IBTK: variants seen among roughly 807,000 people sequenced by gnomAD.
The protein encoded by IBTK is inhibitor of Bruton tyrosine kinase, also known as BTK-binding protein.
In IBTK, 83 loss-of-function variants were observed where a neutral mutation model predicts 154.9. The ratio of observed to expected loss-of-function variants is 0.54; its 90% CI spans 0.45 to 0.64. The LOEUF (loss-of-function observed/expected upper bound fraction) is 0.64. Ranked by LOEUF, IBTK falls within the 30% of genes least tolerant of loss-of-function variation. The probability of loss-of-function intolerance (pLI) is 0.00; values close to 1 mark genes in which losing one functional copy is unlikely to be tolerated. For synonymous variants in IBTK, 515 were observed against 536.1 expected (o/e 0.96, Z 0.54); for missense variants, 1,332 against 1,584.6 (o/e 0.84, Z 2.71).
chr6:82,201,362 T>C, intron 19 of IBTK, 60 bp downstream of exon 19: 1 of 1,201,176 alleles, frequency 8.3e-7, no homozygotes, highest in Non-Finnish European at 1.2e-6. Flanking sequence ...AAGTCTGATC[T>C]AATATACTGC....
chr6:82,244,052 T>C (rs1217231293), intron 1 of IBTK, among the ~76,000 whole-genome samples: 1 of 152,200 alleles, frequency 6.6e-6, no homozygotes, highest in Non-Finnish European at 1.5e-5. Context: ...TCAGCTGTTA[T>C]CAGTTATATA....
In IBTK at chr6:82,197,373, A is replaced by ATTTTTTTTTT. The variant is rs11422131; in HGVS notation, c.3026-937_3026-928dup. 9.8e-3 allele frequency among the ~76,000 whole-genome samples: 1,357 copies of ATTTTTTTTTT among 138,162 alleles called. 31 individuals carry two copies. The highest frequency in any genetic ancestry group is 0.021 in the African/African-American group (782 of 36,728). The allele number at this position is 138,162 out of a possible 152,430, so 90.6% of individuals were successfully genotyped here. A position where few individuals can be genotyped will look rare whatever the true frequency, so the allele number is the denominator to read the frequency against. ...TTTTTTTGCCACACAATCTTTTTGA[A>ATTTTTTTTTT]TTTTTTTTTTTTTTTGAGACAGAGT... On this transcript the variant is annotated intron_variant, in intron 21 of 28. Coordinates refer to ENST00000306270, the MANE Select transcript of IBTK (RefSeq NM_015525.4).
chr6:82,197,349 T>C (rs913353630), intron 21 of IBTK, among the ~76,000 whole-genome samples: 3 of 150,592 alleles, frequency 2.0e-5, no homozygotes, highest in Admixed American at 6.7e-5. Flanking sequence ...TTTAAACATT[T>C]TTTTTGCCAC....
intron 21 of IBTK, among the ~76,000 whole-genome samples, chr6:82,197,190 T>TACCA (rs1769022551): frequency 6.6e-6 from 1 of 152,152 alleles, no homozygotes; most frequent in African/African-American, 2.4e-5. Context: ...AGCTATAAAA[T>TACCA]AAAGATGTTA....
chr6:82,246,054 G>A (rs1293576000), intron 1 of IBTK, among the ~76,000 whole-genome samples: 1 of 152,076 alleles, frequency 6.6e-6, no homozygotes, highest in Non-Finnish European at 1.5e-5. Context: ...TTTCTGATGA[G>A]GAGATTCATG....
intron 4 of IBTK, among the ~76,000 whole-genome samples, chr6:82,229,586 T>C (rs926417649): frequency 1.4e-4 from 21 of 151,776 alleles, no homozygotes; most frequent in Non-Finnish European, 7.4e-5. Context: ...AAGCTCAGCA[T>C]GAGAAAAAAA....
At chr6:82,189,103 A>C in intron 25 of IBTK, 2 of 403,502 alleles carry the variant, frequency 5.0e-6, no homozygotes, top group Non-Finnish European at 9.6e-6. Flanking sequence ...TGATTTGTAG[A>C]GAAAACAGTG....
At chr6:82,174,663 T>C (rs1402203736) in intron 26 of IBTK, among the ~76,000 whole-genome samples, 3 of 152,258 alleles carry the variant, frequency 2.0e-5, no homozygotes, top group South Asian at 2.1e-4. Flanking sequence ...TTAGCCCTAA[T>C]GTGTGGGCAA....
chr6:82,171,397 G>A lies in IBTK; in HGVS notation c.*28C>T, dbSNP rs1207957882. On this transcript the variant is annotated 3_prime_UTR_variant, in exon 29 of 29. Transcript: ENST00000306270. The stretch of plus-strand genomic sequence containing the variant: ...TTTATATGAACAAACTCATAATTAT[G>A]TAAAATGCATCTCAACTCCACAGTG... The A allele has an allele frequency of 6.3e-7, 1 of 1,588,360 alleles. No individual in the cohort carries two copies. Among genetic ancestry groups the A allele is most frequent in the Non-Finnish European group, 8.6e-7 (1 of 1,167,200 alleles).
At chr6:82,188,705 C>A (rs1344419589) in intron 25 of IBTK, among the ~76,000 whole-genome samples, 1 of 151,952 alleles carries the variant, frequency 6.6e-6, no homozygotes, top group Admixed American at 6.6e-5. Flanking sequence ...GGCAAATGTT[C>A]CAGAAAGTAG....
chr6:82,173,275 T>A (rs750541099), intron 27 of IBTK, 92 bp downstream of exon 27: 22 of 862,864 alleles, frequency 2.5e-5, no homozygotes, highest in Non-Finnish European at 3.6e-5. Flanking sequence ...GTGCTGGGAT[T>A]ATAGGCATGA....
intron 1 of IBTK, among the ~76,000 whole-genome samples, chr6:82,245,802 C>T (rs540724841): frequency 1.1e-4 from 16 of 151,950 alleles, no homozygotes; most frequent in African/African-American, 3.9e-4. Flanking sequence ...CAAAGACATA[C>T]TTAGGATCTT....
chr6:82,212,647 T>C, intron 13 of IBTK, 60 bp downstream of exon 13: 6 of 1,043,542 alleles, frequency 5.7e-6, no homozygotes, highest in Non-Finnish European at 9.1e-6. Context: ...CAGAGATCTA[T>C]TTCCACACTT....
chr6:82,171,583 C>T, intron 28 of IBTK, 27 bp from the exon 29 acceptor site: 3 of 1,551,954 alleles, frequency 1.9e-6, no homozygotes, highest in African/African-American at 2.7e-5. Flanking sequence ...AAAGAAGACT[C>T]TTTACTCTTT....
intron 16 of IBTK, among the ~76,000 whole-genome samples, chr6:82,208,419 T>C (rs951795386): frequency 3.9e-5 from 6 of 152,056 alleles, no homozygotes; most frequent in Admixed American, 2.6e-4. Context: ...AACGAATTCC[T>C]AGATATGACA....
rs904022224 is a variant in IBTK, at chr6:82,170,678, T to C, written c.*747A>G. Reference sequence around the variant, plus strand: ...TTTCAGCAATTGATTCTCTCACAATTAGGCATTTTTAAGATCCTCCATCCC... The same window carrying C: ...TTTCAGCAATTGATTCTCTCACAATCAGGCATTTTTAAGATCCTCCATCCC... On this transcript the variant is annotated 3_prime_UTR_variant, in exon 29 of 29. Transcript: ENST00000306270. 6.6e-6 allele frequency: 1 copy of C among 152,180 alleles called. No individual in the cohort carries two copies. The highest frequency in any genetic ancestry group is 2.4e-5 in the African/African-American group (1 of 41,466). 9.4% of individuals were successfully genotyped at this position (152,180 alleles called of 1,614,324 possible). A position where few individuals can be genotyped will look rare whatever the true frequency, so the allele number is the denominator to read the frequency against.
At chr6:82,179,234 C>T (rs1768225490) in intron 26 of IBTK, among the ~76,000 whole-genome samples, 1 of 152,082 alleles carries the variant, frequency 6.6e-6, no homozygotes. Flanking sequence ...AATGGAAGTG[C>T]CAAAGACACA....
chr6:82,211,498 G>A lies in IBTK; in HGVS notation c.2366C>T (p.Ala789Val), dbSNP rs1769639624. Residue 789 changes from alanine to valine, a missense_variant, in exon 14 of 29, where the codon GCT (alanine) becomes GTT (valine). Ala to Val is a moderately conservative substitution (Grantham distance 64). This residue lies in a region of IBTK where 1,134 missense variants were observed against 1,274.7 expected (regional missense o/e 0.89). Transcript: ENST00000306270. ...EFPCHKCVLC[A>V]RLEYFHSMLS... ...TTAAAAAGTGCACCTACCAAGTCTA[G>A]CACAAAGAACACATTTATGACAAGG... The A allele has an allele frequency of 6.2e-7, 1 of 1,612,906 alleles. No homozygotes were observed. Among genetic ancestry groups the A allele is most frequent in the East Asian group, 2.2e-5 (1 of 44,798 alleles).
intron 2 of IBTK, among the ~76,000 whole-genome samples, chr6:82,237,372 G>A (rs1481391572): frequency 1.3e-5 from 2 of 151,774 alleles, no homozygotes; most frequent in African/African-American, 2.4e-5. Context: ...GATACCCCAA[G>A]GTTTCAGATA....
Sources: allele counts gnomAD v4.1 joint callset (sites outside exome capture counted in the v4.1 genomes callset), GRCh38; gene constraint gnomAD v4.1.1; regional missense constraint gnomAD v4.1.1; transcripts MANE v1.5; gene names NCBI Gene and HGNC (gene_info 2026-07-23, HGNC 2026-07-21).